TTC28: variants seen among roughly 807,000 people sequenced by gnomAD.
TTC28 encodes the protein tetratricopeptide repeat domain 28.
A neutral mutation model predicts 198.0 loss-of-function variants in TTC28; 61 were observed. The ratio of observed to expected loss-of-function variants is 0.31; its 90% CI spans 0.25 to 0.38. The LOEUF (loss-of-function observed/expected upper bound fraction) is 0.38, where lower values mean the gene tolerates loss of function less well. Among genes scored for constraint, TTC28 ranks in the 10% least tolerant of loss-of-function variants. TTC28 has a pLI of 1.00. For synonymous variants in TTC28, 1,171 were observed against 1,297.8 expected (o/e 0.90, Z 2.10); for missense variants, 2,678 against 3,164.0 (o/e 0.85, Z 3.69).
chr22:28,085,617 A>C (rs576278828), intron 12 of TTC28, among the ~76,000 whole-genome samples: 1 of 152,302 alleles, frequency 6.6e-6, no homozygotes, highest in South Asian at 2.1e-4. Flanking sequence ...CCAGCAAAAT[A>C]ACCAGCTAAC....
chr22:28,497,709 T>A (rs527829591), intron 2 of TTC28, among the ~76,000 whole-genome samples: 1 of 152,186 alleles, frequency 6.6e-6, no homozygotes, highest in South Asian at 2.1e-4. Flanking sequence ...GAGGTATGAG[T>A]TAAATCTTAA....
chr22:28,421,224 T>G (rs1188062426), intron 2 of TTC28, among the ~76,000 whole-genome samples: 1 of 152,176 alleles, frequency 6.6e-6, no homozygotes, highest in Non-Finnish European at 1.5e-5. Context: ...AGTACCCAAT[T>G]CTGTTCTATC....
At chr22:28,495,058 G>A (rs1256650876) in intron 2 of TTC28, among the ~76,000 whole-genome samples, 1 of 151,924 alleles carries the variant, frequency 6.6e-6, no homozygotes, top group African/African-American at 2.4e-5. Context: ...AACAAGAGAG[G>A]TGGAAAATGA....
intron 12 of TTC28, among the ~76,000 whole-genome samples, chr22:28,065,034 A>G (rs1940698673): frequency 6.6e-6 from 1 of 152,206 alleles, no homozygotes; most frequent in East Asian, 1.9e-4. Flanking sequence ...ATACATAGGA[A>G]TGCATGGCTT....
At chr22:28,460,552 ATATG>A (rs746237977) in intron 2 of TTC28, among the ~76,000 whole-genome samples, 1 of 151,826 alleles carries the variant, frequency 6.6e-6, no homozygotes, top group Non-Finnish European at 1.5e-5. Context: ...GTATATATAT[ATATG>A]TATGTATGTA....
At chr22:28,129,101 C>T (rs1453663882) in intron 6 of TTC28, among the ~76,000 whole-genome samples, 1 of 152,084 alleles carries the variant, frequency 6.6e-6, no homozygotes, top group Non-Finnish European at 1.5e-5. Flanking sequence ...TAACAAGTAC[C>T]CAAATGCTTT....
intron 2 of TTC28, among the ~76,000 whole-genome samples, chr22:28,614,599 T>C (rs1569061030): frequency 6.6e-6 from 1 of 152,116 alleles, no homozygotes; most frequent in East Asian, 1.9e-4. Context: ...AACAGATATA[T>C]AGATCAACAG....
At chr22:28,430,860 A>T (rs2047419212) in intron 2 of TTC28, among the ~76,000 whole-genome samples, 2 of 150,732 alleles carry the variant, frequency 1.3e-5, no homozygotes, top group Non-Finnish European at 2.9e-5. Context: ...TTCTCCAGCC[A>T]AACTGAGATT....
At chr22:28,616,357 G>A (rs948001003) in intron 2 of TTC28, among the ~76,000 whole-genome samples, 1 of 152,048 alleles carries the variant, frequency 6.6e-6, no homozygotes, top group African/African-American at 2.4e-5. Context: ...CAAATAGAAG[G>A]ATTTGAACTA....
chr22:28,320,648 T>C (rs1269918094), intron 2 of TTC28, among the ~76,000 whole-genome samples: 1 of 152,192 alleles, frequency 6.6e-6, no homozygotes, highest in East Asian at 1.9e-4. Flanking sequence ...AAAGAGTAGC[T>C]GATACATGAA....
chr22:28,303,809 T>A (rs1481424515), intron 3 of TTC28: 1 of 151,702 alleles, frequency 6.6e-6, no homozygotes, highest in East Asian at 1.9e-4. Context: ...AGTTACAGAT[T>A]TATCCTTCTC....
chr22:28,105,363 C>A lies in TTC28; in HGVS notation c.3223G>T (p.Ala1075Ser), dbSNP rs1203286106. The change falls in exon 8 of 23, where the codon GCC becomes TCC. Residue 1075 changes from alanine to serine, a missense_variant. Around this residue, in one of 8 missense-constraint regions of TTC28, gnomAD observed 727 missense variants for 861.9 expected, o/e 0.84. Transcript: ENST00000397906. ...SIAAQMNDLA[A>S]KTVSYSSLGR... ...AGGCTACTATATGACACCGTCTTGG[C>A]CGCCAAGTCATTCATCTGTGCAGCA... 5 of 1,551,584 alleles carry A rather than the reference C, an allele frequency of 3.2e-6. No homozygotes were observed. Among genetic ancestry groups the A allele is most frequent in the Non-Finnish European group, 4.4e-6 (5 of 1,146,994 alleles).
At chr22:28,504,176 G>A (rs1369937558) in intron 2 of TTC28, among the ~76,000 whole-genome samples, 1 of 152,058 alleles carries the variant, frequency 6.6e-6, no homozygotes, top group Non-Finnish European at 1.5e-5. Flanking sequence ...TCTCATCTGT[G>A]TAATAAATCT....
At chr22:28,077,225 C>T (rs1569123837) in intron 12 of TTC28, among the ~76,000 whole-genome samples, 1 of 152,140 alleles carries the variant, frequency 6.6e-6, no homozygotes, top group African/African-American at 2.4e-5. Context: ...TTGAAGATTC[C>T]TGTTCATGCA....
At chr22:28,577,665 T>C (rs2050172157) in intron 2 of TTC28, among the ~76,000 whole-genome samples, 3 of 152,134 alleles carry the variant, frequency 2.0e-5, no homozygotes, top group African/African-American at 7.2e-5. Context: ...TATATATATA[T>C]TTACAACTGC....
chr22:28,034,260 G>A (rs1320924460), intron 12 of TTC28, among the ~76,000 whole-genome samples: 1 of 152,178 alleles, frequency 6.6e-6, no homozygotes, highest in Non-Finnish European at 1.5e-5. Context: ...GGGTGGCAAG[G>A]CAGGAAGAGT....
chr22:28,178,083 G>A (rs568898610), intron 5 of TTC28, among the ~76,000 whole-genome samples: 3 of 152,168 alleles, frequency 2.0e-5, no homozygotes, highest in East Asian at 1.9e-4. Flanking sequence ...AGGAGAAAAC[G>A]ACTGGGGGAG....
At chr22:28,650,466 T>C (rs1489268251) in intron 1 of TTC28, among the ~76,000 whole-genome samples, 3 of 152,094 alleles carry the variant, frequency 2.0e-5, no homozygotes, top group East Asian at 3.8e-4. Context: ...TCTTTTCGAG[T>C]CTTTCACAAT....
intron 12 of TTC28, among the ~76,000 whole-genome samples, chr22:28,040,636 A>G (rs572443991): frequency 6.6e-6 from 1 of 152,326 alleles, no homozygotes; most frequent in East Asian, 1.9e-4. Flanking sequence ...ACCATACCGA[A>G]TGGGCAAAAA....
Sources: gnomAD v4.1 joint callset for allele counts (sites outside exome capture counted in the v4.1 genomes callset) on GRCh38, gnomAD v4.1.1 for gene constraint, gnomAD v4.1.1 regional missense constraint, MANE v1.5 for transcripts, NCBI Gene and HGNC (gene_info 2026-07-23, HGNC 2026-07-21) for gene names.